VWA8: variants seen among roughly 807,000 people sequenced by gnomAD.
The protein encoded by VWA8 is von Willebrand factor A domain containing 8.
In VWA8, 221 loss-of-function variants were observed where a neutral mutation model predicts 241.5. The ratio of observed to expected loss-of-function variants is 0.91; its 90% CI spans 0.82 to 1.02. The LOEUF is 1.02. Ranked by LOEUF, VWA8 falls within the 50% of genes least tolerant of loss-of-function variation. VWA8 has a pLI of 0.00. For missense variants in VWA8, 2,322 were observed against 2,328.7 expected (o/e 1.00, Z 0.06); for synonymous variants, 852 against 827.1 (o/e 1.03, Z -0.52).
intron 20 of VWA8, among the ~76,000 whole-genome samples, chr13:41,777,591 C>G (rs1334561713): frequency 6.6e-6 from 1 of 152,116 alleles, no homozygotes; most frequent in African/African-American, 2.4e-5. Context: ...GAGGCTCAAT[C>G]AGATTTTAGT....
Position 41,689,451 on chromosome 13 carries a change from A to G in VWA8, c.4034T>C (p.Leu1345Pro). The G allele has an allele frequency of 6.2e-7, 1 of 1,611,892 alleles. No homozygotes were observed. Among genetic ancestry groups the G allele is most frequent in the Non-Finnish European group, 8.5e-7 (1 of 1,179,012 alleles). The change falls in exon 34 of 45, where the codon CTA (leucine) becomes CCA (proline). Residue 1345 changes from leucine (L) to proline (P), a missense_variant. Leu to Pro is a moderately conservative substitution (Grantham distance 98). Coordinates refer to ENST00000379310, the MANE Select transcript of VWA8 (RefSeq NM_015058.2). The stretch of plus-strand genomic sequence containing the variant: ...AATCTTTTGTTCCACAGCTGAACTT[A>G]GATGTTCAGATGATAGTTGATCACT... ...ISSDQLSSEHLSSAVEQKIAS... is the reference protein window; with the variant it reads ...ISSDQLSSEHPSSAVEQKIAS...
chr13:41,948,910 A>G (rs1168447003), intron 2 of VWA8, among the ~76,000 whole-genome samples: 1 of 152,078 alleles, frequency 6.6e-6, no homozygotes, highest in Non-Finnish European at 1.5e-5. Flanking sequence ...TAGGTACAGC[A>G]ACATAGATGA....
intron 2 of VWA8, chr13:41,927,462 A>T (rs908611679): frequency 3.5e-5 from 10 of 285,048 alleles, no homozygotes; most frequent in Admixed American, 1.1e-4. Flanking sequence ...CCACAGTTCC[A>T]TTCAGCCATC....
intron 40 of VWA8, 37 bp from the exon 41 acceptor site, chr13:41,590,802 T>A: frequency 1.9e-6 from 3 of 1,609,404 alleles, no homozygotes; most frequent in Non-Finnish European, 2.5e-6. Flanking sequence ...AAGCCTTAAT[T>A]AGTTATGCAG....
At chr13:41,855,367 A>T (rs1215469741) in intron 12 of VWA8, among the ~76,000 whole-genome samples, 1 of 145,626 alleles carries the variant, frequency 6.9e-6, no homozygotes, top group Non-Finnish European at 1.5e-5. Flanking sequence ...AATATATATT[A>T]ATATTATATA....
intron 39 of VWA8, among the ~76,000 whole-genome samples, chr13:41,606,634 A>G (rs1489099863): frequency 1.3e-5 from 2 of 152,134 alleles, no homozygotes; most frequent in Non-Finnish European, 2.9e-5. Flanking sequence ...ACCTTGAGCT[A>G]AAACAGAAAC....
intron 2 of VWA8, 45 bp from the exon 3 acceptor site, chr13:41,912,213 T>C (rs759446913): frequency 6.7e-7 from 1 of 1,493,178 alleles, no homozygotes. Flanking sequence ...TAAGTATTAC[T>C]TATAATATAA....
intron 2 of VWA8, among the ~76,000 whole-genome samples, chr13:41,932,828 T>G (rs1459910153): frequency 6.6e-6 from 1 of 151,978 alleles, no homozygotes; most frequent in Non-Finnish European, 1.5e-5. Flanking sequence ...CTTAACTTGA[T>G]AAAGAACATC....
At chr13:41,572,162 T>A (rs1401999168) in intron 43 of VWA8, among the ~76,000 whole-genome samples, 1 of 150,648 alleles carries the variant, frequency 6.6e-6, no homozygotes, top group Non-Finnish European at 1.5e-5. Context: ...AGCCGCCCCG[T>A]CCGGGAGGGA....
intron 24 of VWA8, among the ~76,000 whole-genome samples, chr13:41,726,559 C>G (rs1466799247): frequency 6.6e-6 from 1 of 152,066 alleles, no homozygotes; most frequent in Non-Finnish European, 1.5e-5. Flanking sequence ...AAAGTAAAAC[C>G]ATTTTTTATT....
At chr13:41,848,606 G>A (rs1288700122) in intron 12 of VWA8, among the ~76,000 whole-genome samples, 1 of 152,168 alleles carries the variant, frequency 6.6e-6, no homozygotes, top group Non-Finnish European at 1.5e-5. Flanking sequence ...CTGCCACCTA[G>A]TGAAGGTGCC....
intron 26 of VWA8, among the ~76,000 whole-genome samples, chr13:41,712,421 T>C (rs1222102496): frequency 6.6e-6 from 1 of 152,248 alleles, no homozygotes; most frequent in East Asian, 1.9e-4. Flanking sequence ...CTGCTCAGAT[T>C]TTATAGAAGG....
chr13:41,732,115 T>G lies in VWA8; in HGVS notation c.2467A>C (p.Lys823Gln). 6.2e-7 allele frequency: 1 copy of G among 1,613,438 alleles called. No homozygotes were observed. The highest frequency in any genetic ancestry group is 8.5e-7 in the Non-Finnish European group (1 of 1,179,632). Reference sequence around the variant, plus strand: ...TCTTCATATACAATAAGTCCGTCTTTAACCGAAGGCTGAAGCGTAAGAGTT... The same window carrying G: ...TCTTCATATACAATAAGTCCGTCTTGAACCGAAGGCTGAAGCGTAAGAGTT... ...VQTLTLQPSVKDGLIVYEDSP... is the reference protein window; with the variant it reads ...VQTLTLQPSVQDGLIVYEDSP... Residue 823 changes from lysine (K) to glutamine (Q), a missense_variant, in exon 22 of 45, where the codon AAA (lysine) becomes CAA (glutamine). Lys to Gln is a moderately conservative substitution (Grantham distance 53). Coordinates refer to ENST00000379310, the MANE Select transcript of VWA8 (RefSeq NM_015058.2).
intron 35 of VWA8, among the ~76,000 whole-genome samples, chr13:41,680,769 T>C (rs938251661): frequency 6.6e-6 from 1 of 152,136 alleles, no homozygotes; most frequent in Non-Finnish European, 1.5e-5. Context: ...ACTCAACATA[T>C]ACACAAGCAG....
intron 36 of VWA8, among the ~76,000 whole-genome samples, chr13:41,673,380 C>T (rs2045038878): frequency 6.6e-6 from 1 of 152,104 alleles, no homozygotes; most frequent in African/African-American, 2.4e-5. Context: ...TAGCAAAAAA[C>T]TGAAGTCCAG....
At chr13:41,773,723 T>C (rs1011044115) in intron 20 of VWA8, among the ~76,000 whole-genome samples, 6 of 152,260 alleles carry the variant, frequency 3.9e-5, no homozygotes, top group Admixed American at 3.9e-4. Context: ...TCTATTTAGA[T>C]TTTAACCAGC....
intron 2 of VWA8, among the ~76,000 whole-genome samples, chr13:41,922,443 T>C (rs1314670736): frequency 1.3e-5 from 2 of 152,182 alleles, no homozygotes; most frequent in African/African-American, 2.4e-5. Flanking sequence ...TGGGATCTAA[T>C]TAAACTAAAT....
chr13:41,871,269 T>G (rs186621113), intron 9 of VWA8, among the ~76,000 whole-genome samples: 59 of 152,334 alleles, frequency 3.9e-4, no homozygotes, highest in African/African-American at 1.4e-3. Context: ...ATTCTTGAAT[T>G]TCAATTAAAC....
chr13:41,783,106 C>T (rs925169748), intron 19 of VWA8, among the ~76,000 whole-genome samples: 2 of 150,784 alleles, frequency 1.3e-5, no homozygotes, highest in African/African-American at 4.8e-5. Flanking sequence ...GATGATAGCT[C>T]TGCTTTGTTT....
Sources: gnomAD v4.1 joint callset for allele counts (sites outside exome capture counted in the v4.1 genomes callset) on GRCh38, gnomAD v4.1.1 for gene constraint, MANE v1.5 for transcripts, NCBI Gene and HGNC (gene_info 2026-07-23, HGNC 2026-07-21) for gene names.